The following HECW2 variants were observed in gnomAD, a reference collection of about 807,000 sequenced individuals.
HECW2 encodes the protein E3 ubiquitin-protein ligase HECW2.
A neutral mutation model predicts 175.2 loss-of-function variants in HECW2; 61 were observed. The ratio of observed to expected loss-of-function variants is 0.35; its 90% CI spans 0.28 to 0.43. The LOEUF (loss-of-function observed/expected upper bound fraction) is 0.43. Among genes scored for constraint, HECW2 ranks in the 20% least tolerant of loss-of-function variants. HECW2 has a pLI of 1.00. For missense variants in HECW2, 1,524 were observed against 2,000.5 expected, an observed-to-expected ratio of 0.76 and a Z score of 4.54; for synonymous variants, 671 against 731.0, an observed-to-expected ratio of 0.92 and a Z score of 1.32.
chr2:196,244,930 T>C (rs1032016798), intron 19 of HECW2, among the ~76,000 whole-genome samples: 1 of 152,182 alleles, frequency 6.6e-6, no homozygotes, highest in Non-Finnish European at 1.5e-5. Flanking sequence ...CTTTATAGGT[T>C]CTTGAGCAGA....
At chr2:196,438,720 C>A (rs1695952544) in intron 1 of HECW2, among the ~76,000 whole-genome samples, 1 of 152,164 alleles carries the variant, frequency 6.6e-6, no homozygotes, top group Admixed American at 6.5e-5. Context: ...GCTTTTTGAG[C>A]CAAATCTCTA....
chr2:196,292,532 T>C lies in HECW2; in HGVS notation c.3000+33A>G, dbSNP rs543148719. On this transcript the variant is annotated intron_variant, in intron 14 of 28. Transcript: ENST00000644978. ...GAAGCCACAAGCAGCCCACAGGCAT[T>C]TGGCACTCCCTGAGGCATCTCCCTC... 1.6e-5 allele frequency: 26 copies of C among 1,587,114 alleles called. 1 individual carries two copies. The South Asian group carries it at 2.7e-4, about 16-fold the overall frequency.
At chr2:196,556,221 T>C (rs1689788522) in intron 1 of HECW2, among the ~76,000 whole-genome samples, 1 of 152,212 alleles carries the variant, frequency 6.6e-6, no homozygotes, top group Non-Finnish European at 1.5e-5. Context: ...TGTTTTGATA[T>C]ATGTATGCAT....
At chr2:196,539,341 C>T (rs1238577009) in intron 1 of HECW2, among the ~76,000 whole-genome samples, 2 of 152,178 alleles carry the variant, frequency 1.3e-5, no homozygotes, top group Non-Finnish European at 2.9e-5. Flanking sequence ...TAAACAAATA[C>T]TTTTACGTAG....
chr2:196,457,315 T>G (rs568373276), intron 1 of HECW2, among the ~76,000 whole-genome samples: 1 of 152,346 alleles, frequency 6.6e-6, no homozygotes, highest in East Asian at 1.9e-4. Flanking sequence ...TAATACAAAC[T>G]GACTTTCTTC....
intron 17 of HECW2, chr2:196,260,000 C>T (rs1017128566): frequency 6.6e-6 from 1 of 152,196 alleles, no homozygotes; most frequent in Non-Finnish European, 1.5e-5. Flanking sequence ...GCACTCTCCC[C>T]TCCTTCCTTA....
chr2:196,224,192 A>G (rs1189285739), intron 23 of HECW2, among the ~76,000 whole-genome samples: 2 of 152,168 alleles, frequency 1.3e-5, no homozygotes. Flanking sequence ...GTGGCCTGAG[A>G]ATAGTGGCAC....
At chr2:196,517,175 A>T (rs1037092248) in intron 1 of HECW2, among the ~76,000 whole-genome samples, 1 of 152,212 alleles carries the variant, frequency 6.6e-6, no homozygotes, top group African/African-American at 2.4e-5. Flanking sequence ...TGCATAAAAA[A>T]TTATTCCTAA....
chr2:196,459,606 C>T (rs892036938), intron 1 of HECW2, among the ~76,000 whole-genome samples: 4 of 151,990 alleles, frequency 2.6e-5, no homozygotes, highest in Non-Finnish European at 1.5e-5. Flanking sequence ...GGATTTCCTC[C>T]GTAAGGATTA....
intron 1 of HECW2, among the ~76,000 whole-genome samples, chr2:196,491,637 A>C (rs1222001251): frequency 6.6e-6 from 1 of 151,806 alleles, no homozygotes; most frequent in East Asian, 1.9e-4. Context: ...ATTAAAAAAC[A>C]GAAAGTTTAA....
At chr2:196,344,018 A>G (rs549934463) in intron 2 of HECW2, among the ~76,000 whole-genome samples, 170 of 152,328 alleles carry the variant, frequency 1.1e-3, no homozygotes, top group Middle Eastern at 3.4e-3. Flanking sequence ...GCCAAAAGAC[A>G]AAACTGCAAA....
intron 4 of HECW2, among the ~76,000 whole-genome samples, chr2:196,330,824 T>C (rs780883808): frequency 2.0e-5 from 3 of 152,180 alleles, no homozygotes; most frequent in Non-Finnish European, 2.9e-5. Flanking sequence ...CACTTTCCCT[T>C]GTTGTATCTG....
intron 1 of HECW2, among the ~76,000 whole-genome samples, chr2:196,533,887 G>C: frequency 6.6e-6 from 1 of 152,140 alleles, no homozygotes; most frequent in Middle Eastern, 3.2e-3. Flanking sequence ...CTAGCTTTCT[G>C]GAAAATAATT....
chr2:196,500,233 A>G (rs982759347), intron 1 of HECW2, among the ~76,000 whole-genome samples: 2 of 152,212 alleles, frequency 1.3e-5, no homozygotes, highest in Non-Finnish European at 2.9e-5. Flanking sequence ...TTTTTTTAGT[A>G]GATACAACTC....
chr2:196,547,537 G>C (rs550901375), intron 1 of HECW2, among the ~76,000 whole-genome samples: 1 of 152,330 alleles, frequency 6.6e-6, no homozygotes, highest in East Asian at 1.9e-4. Context: ...TCATGTCTGA[G>C]GGTGGGGGCA....
chr2:196,516,276 A>G (rs892692783), intron 1 of HECW2, among the ~76,000 whole-genome samples: 4 of 152,216 alleles, frequency 2.6e-5, no homozygotes, highest in African/African-American at 9.6e-5. Flanking sequence ...ACTAATACAG[A>G]CAGTCTATGT....
chr2:196,268,199 G>A (rs1013907027), intron 17 of HECW2, among the ~76,000 whole-genome samples: 2 of 152,100 alleles, frequency 1.3e-5, no homozygotes, highest in African/African-American at 4.8e-5. Flanking sequence ...GAAAATGAAA[G>A]TGCAGTGTGA....
chr2:196,307,670 C>T (rs901483150), intron 11 of HECW2, among the ~76,000 whole-genome samples: 1 of 152,090 alleles, frequency 6.6e-6, no homozygotes, highest in African/African-American at 2.4e-5. Context: ...CTTTAGTAAA[C>T]ATCAATGCTT....
chr2:196,334,721 TA>T (rs1692488023), intron 3 of HECW2, among the ~76,000 whole-genome samples: 2 of 152,196 alleles, frequency 1.3e-5, no homozygotes, highest in Admixed American at 6.5e-5. Context: ...CTCTTGAACA[TA>T]TCAGAAAAAT....
Sources: allele counts gnomAD v4.1 joint callset (sites outside exome capture counted in the v4.1 genomes callset), GRCh38; gene constraint gnomAD v4.1.1; transcripts MANE v1.5; gene names NCBI Gene and HGNC (gene_info 2026-07-23, HGNC 2026-07-21).